The following MROH9 variants were observed in gnomAD, a reference collection of about 807,000 sequenced individuals.
MROH9 encodes the protein maestro heat like repeat family member 9.
Under a neutral mutation model 98.2 loss-of-function variants are expected in MROH9, and 92 were observed. That is an observed-to-expected ratio of 0.94 (90% CI 0.79 to 1.11). The LOEUF is 1.11. Among genes scored for constraint, MROH9 ranks in the 50% most tolerant of loss-of-function variants. MROH9 has a pLI of 0.00. For missense variants in MROH9, 1,057 were observed against 1,014.8 expected (o/e 1.04, Z -0.57); for synonymous variants, 397 against 368.9 (o/e 1.08, Z -0.87).
intron 3 of MROH9, among the ~76,000 whole-genome samples, chr1:170,952,077 A>G (rs9426911): frequency 0.84 from 128,000 of 151,672 alleles, 54,516 homozygotes; most frequent in Middle Eastern, 0.98. Flanking sequence ...TTAGAATGGC[A>G]CTCATTAAAA....
chr1:170,965,361 T>C, intron 7 of MROH9, 106 bp downstream of exon 7: 1 of 714,614 alleles, frequency 1.4e-6, no homozygotes, highest in Non-Finnish European at 2.4e-6. Context: ...TCCTTGGTAT[T>C]ATTGTACTGG....
At position 171,014,193 on chromosome 1, in the gene MROH9, A is replaced by G. The variant is rs566427733; in HGVS notation, c.1673A>G (p.Asn558Ser). ...TTCATAAACTGGATCAATGATTCCAATCCTGTAGTTAGCAGACTGATCCTT... is the reference window on the plus strand; with the variant it reads ...TTCATAAACTGGATCAATGATTCCAGTCCTGTAGTTAGCAGACTGATCCTT... The part of the protein sequence containing the change: ...VLFINWINDS[N>S]PVVSRLILHR... Residue 558 changes from asparagine to serine, a missense_variant, in exon 16 of 22, where the codon AAT (asparagine) becomes AGT (serine). Coordinates refer to ENST00000367759, the MANE Select transcript of MROH9 (RefSeq NM_001163629.2). The G allele has an allele frequency of 1.1e-5, 17 of 1,551,226 alleles. No individual in the cohort carries two copies. The highest frequency in any genetic ancestry group is 1.5e-5 in the Non-Finnish European group (17 of 1,146,680).
intron 8 of MROH9, among the ~76,000 whole-genome samples, chr1:170,979,482 AAAAC>A (rs1368606150): frequency 6.6e-6 from 1 of 152,260 alleles, no homozygotes; most frequent in African/African-American, 2.4e-5. Context: ...TATAGGCAGA[AAAAC>A]AACTTTGATC....
intron 1 of MROH9, among the ~76,000 whole-genome samples, chr1:170,944,895 G>A (rs1163577909): frequency 6.6e-6 from 1 of 151,984 alleles, no homozygotes; most frequent in East Asian, 1.9e-4. Flanking sequence ...GATGTATGAT[G>A]GGAAATCATT....
intron 1 of MROH9, among the ~76,000 whole-genome samples, chr1:170,944,488 T>C (rs529921504): frequency 6.6e-6 from 1 of 152,028 alleles, no homozygotes. Context: ...AGAAATATGG[T>C]TAAATCACTA....
chr1:171,018,695 T>C (rs189100787), intron 17 of MROH9, among the ~76,000 whole-genome samples: 110 of 152,158 alleles, frequency 7.2e-4, no homozygotes, highest in African/African-American at 2.5e-3. Flanking sequence ...GAATAACCAG[T>C]TTACAGAGGA....
At chr1:171,004,981 A>AT (rs113441950) in intron 15 of MROH9, among the ~76,000 whole-genome samples, 4,286 of 147,624 alleles carry the variant, frequency 0.029, 139 homozygotes, top group African/African-American at 0.072. Flanking sequence ...CACAAACCTT[A>AT]TTTTTTTTTT....
At chr1:171,013,006 C>G (rs980951744) in intron 15 of MROH9, among the ~76,000 whole-genome samples, 1 of 152,076 alleles carries the variant, frequency 6.6e-6, no homozygotes, top group Non-Finnish European at 1.5e-5. Context: ...TGTTCCCTCT[C>G]CCCTCCTCTC....
chr1:170,975,103 TAATC>T (rs1223943067), intron 8 of MROH9, among the ~76,000 whole-genome samples: 3 of 151,626 alleles, frequency 2.0e-5, no homozygotes, highest in Non-Finnish European at 2.9e-5. Context: ...AGGAAACAAA[TAATC>T]AAGACAAATT....
intron 1 of MROH9, among the ~76,000 whole-genome samples, chr1:170,944,227 C>G (rs1374777987): frequency 6.6e-6 from 1 of 151,792 alleles, no homozygotes; most frequent in Non-Finnish European, 1.5e-5. Context: ...CAGGTTCTGT[C>G]TAAAGTTTTG....
chr1:170,994,334 G>A (rs923485304), intron 12 of MROH9, among the ~76,000 whole-genome samples: 1 of 152,118 alleles, frequency 6.6e-6, no homozygotes, highest in Non-Finnish European at 1.5e-5. Context: ...CGTGACTGCT[G>A]TTAGTATACC....
chr1:171,015,742 A>G (rs993759508), intron 16 of MROH9, among the ~76,000 whole-genome samples: 2 of 152,138 alleles, frequency 1.3e-5, no homozygotes, highest in African/African-American at 4.8e-5. Flanking sequence ...AATAAGGCCA[A>G]TTCCCTGGTG....
intron 7 of MROH9, among the ~76,000 whole-genome samples, chr1:170,966,356 A>G (rs949524891): frequency 6.6e-6 from 1 of 151,990 alleles, no homozygotes; most frequent in Non-Finnish European, 1.5e-5. Flanking sequence ...ACCTATGAAC[A>G]TTTCCCTTTT....
At chr1:171,043,191 A>T (rs1653361784) in intron 20 of MROH9, among the ~76,000 whole-genome samples, 2 of 152,108 alleles carry the variant, frequency 1.3e-5, no homozygotes, top group African/African-American at 4.8e-5. Context: ...GTCTAGATTC[A>T]TTCTCCTGCA....
chr1:171,046,994 T>C (rs766765463), intron 20 of MROH9, among the ~76,000 whole-genome samples: 4 of 152,194 alleles, frequency 2.6e-5, no homozygotes. Context: ...TGTCACTCTC[T>C]CATGGCCTGT....
At chr1:171,021,855 T>C (rs891195573) in intron 17 of MROH9, among the ~76,000 whole-genome samples, 1 of 151,874 alleles carries the variant, frequency 6.6e-6, no homozygotes, top group African/African-American at 2.4e-5. Context: ...TCTACCCATC[T>C]GACAAAGATC....
chr1:171,016,621 G>C (rs1462356452), intron 17 of MROH9, among the ~76,000 whole-genome samples: 1 of 152,014 alleles, frequency 6.6e-6, no homozygotes, highest in African/African-American at 2.4e-5. Flanking sequence ...GACTGCCTGG[G>C]TTCAAATCCC....
intron 20 of MROH9, among the ~76,000 whole-genome samples, chr1:171,037,210 TA>T (rs1448510886): frequency 2.9e-5 from 4 of 135,804 alleles, no homozygotes; most frequent in Non-Finnish European, 6.4e-5. Context: ...AAGAAGGAAA[TA>T]AAAAATGAGG....
intron 7 of MROH9, 71 bp downstream of exon 7, chr1:170,965,326 T>G: frequency 1.8e-6 from 2 of 1,088,560 alleles, no homozygotes; most frequent in Non-Finnish European, 1.4e-6. Context: ...TTTCCATGTC[T>G]TGGGTCCTAA....
Sources: allele counts gnomAD v4.1 joint callset (sites outside exome capture counted in the v4.1 genomes callset), GRCh38; gene constraint gnomAD v4.1.1; transcripts MANE v1.5; gene names NCBI Gene and HGNC (gene_info 2026-07-23, HGNC 2026-07-21).